The following MDFIC2 variants were observed in gnomAD, a reference collection of about 807,000 sequenced individuals.
MDFIC2 encodes the protein myoD family inhibitor domain-containing protein 2.
chr3:70,251,445 A>C (rs1021378419), intron 2 of MDFIC2, among the ~76,000 whole-genome samples: 1 of 152,174 alleles, frequency 6.6e-6, no homozygotes, highest in African/African-American at 2.4e-5. Context: ...GTCTACTGGC[A>C]TAATAGTGGG....
intron 2 of MDFIC2, among the ~76,000 whole-genome samples, chr3:70,306,457 CT>C: frequency 6.6e-6 from 1 of 152,264 alleles, no homozygotes; most frequent in Non-Finnish European, 1.5e-5. Context: ...CATGTGACTG[CT>C]TACAGAAAAG....
intron 2 of MDFIC2, among the ~76,000 whole-genome samples, chr3:70,273,373 C>A (rs181932496): frequency 2.0e-5 from 3 of 152,212 alleles, no homozygotes; most frequent in Admixed American, 2.0e-4. Context: ...GATGCTAAGA[C>A]CTTTAATCCA....
chr3:70,264,863 A>T (rs572774106), intron 2 of MDFIC2, among the ~76,000 whole-genome samples: 12 of 152,292 alleles, frequency 7.9e-5, no homozygotes, highest in Non-Finnish European at 1.0e-4. Context: ...TAATAAAGAC[A>T]TACCATAGAC....
intron 2 of MDFIC2, among the ~76,000 whole-genome samples, chr3:70,286,958 C>A (rs577928197): frequency 2.0e-5 from 3 of 151,238 alleles, no homozygotes; most frequent in Admixed American, 6.6e-5. Flanking sequence ...AGATTTTGGG[C>A]TGAGACAATG....
chr3:70,290,950 C>T (rs570447046), intron 2 of MDFIC2, among the ~76,000 whole-genome samples: 6 of 152,260 alleles, frequency 3.9e-5, no homozygotes, highest in Admixed American at 2.0e-4. Flanking sequence ...CTGACCTGAG[C>T]CCACTGTCTG....
intron 2 of MDFIC2, among the ~76,000 whole-genome samples, chr3:70,255,312 A>G (rs1425286279): frequency 6.6e-6 from 1 of 152,256 alleles, no homozygotes; most frequent in African/African-American, 2.4e-5. Context: ...CTGTGATTTT[A>G]TAGTCAGTAA....
chr3:70,284,566 C>G (rs765272280), intron 2 of MDFIC2, among the ~76,000 whole-genome samples: 5 of 152,116 alleles, frequency 3.3e-5, no homozygotes, highest in Non-Finnish European at 7.4e-5. Context: ...ACTATGCAGC[C>G]ATAAAAAAGA....
intron 2 of MDFIC2, among the ~76,000 whole-genome samples, chr3:70,235,422 A>T (rs1701598009): frequency 6.6e-6 from 1 of 152,206 alleles, no homozygotes; most frequent in Non-Finnish European, 1.5e-5. Flanking sequence ...CTCCTCGCAA[A>T]TTAAACTGAC....
chr3:70,196,197 A>G lies in MDFIC2; in HGVS notation c.*729T>C, dbSNP rs1037455438. ...TCATTTATGCTTATTAGAATAACTA[A>G]GAGCCTTTCTGTAACGAATTAAGAA... is the stretch of plus-strand genomic sequence containing the variant. On this transcript the variant is annotated 3_prime_UTR_variant, in exon 4 of 4. Coordinates refer to ENST00000567252, the MANE Select transcript of MDFIC2 (RefSeq NM_001364677.1). Among the ~76,000 whole-genome samples, 8 of 152,242 alleles carry G rather than the reference A, an allele frequency of 5.3e-5. No individual in the cohort carries two copies. The highest frequency in any genetic ancestry group is 1.4e-4 in the African/African-American group (6 of 41,480).
In MDFIC2 at chr3:70,237,781, G is replaced by A. The variant is rs78137455; in HGVS notation, c.89-30991C>T. Among the ~76,000 whole-genome samples, 1,308 of 152,158 alleles carry A rather than the reference G, an allele frequency of 8.6e-3. 21 individuals carry two copies. The highest frequency in any genetic ancestry group is 0.03 in the African/African-American group (1,230 of 41,492). On this transcript the variant is annotated intron_variant, in intron 2 of 3. Coordinates refer to ENST00000567252, the MANE Select transcript of MDFIC2 (RefSeq NM_001364677.1). ...GTGCATGTGTTATGATTTGTATGCC[G>A]GTGCCATGGCAGCCATATTGTGGGC...
At chr3:70,299,321 G>T (rs542317093) in intron 2 of MDFIC2, among the ~76,000 whole-genome samples, 1 of 151,796 alleles carries the variant, frequency 6.6e-6, no homozygotes, top group African/African-American at 2.4e-5. Flanking sequence ...AAATTTGTGC[G>T]TTATTTGTAT....
intron 2 of MDFIC2, among the ~76,000 whole-genome samples, chr3:70,281,338 T>C (rs1180796583): frequency 2.0e-5 from 3 of 152,146 alleles, no homozygotes; most frequent in African/African-American, 7.2e-5. Context: ...TTATCCATTC[T>C]CTCTCAACTT....
At chr3:70,221,577 T>C (rs534794545) in intron 2 of MDFIC2, among the ~76,000 whole-genome samples, 1 of 152,202 alleles carries the variant, frequency 6.6e-6, no homozygotes, top group South Asian at 2.1e-4. Flanking sequence ...GAGAAACACA[T>C]GTCAACAGAT....
intron 2 of MDFIC2, among the ~76,000 whole-genome samples, chr3:70,294,787 T>G (rs373346353): frequency 6.6e-6 from 1 of 152,186 alleles, no homozygotes. Context: ...GATGTGTGGC[T>G]TTTTGCTCAG....
intron 2 of MDFIC2, among the ~76,000 whole-genome samples, chr3:70,277,347 C>T (rs1315151652): frequency 6.6e-6 from 1 of 152,138 alleles, no homozygotes; most frequent in Non-Finnish European, 1.5e-5. Context: ...ACGGAAATAT[C>T]TGTTATTTGA....
At chr3:70,310,364 T>C (rs1443897670) in intron 2 of MDFIC2, among the ~76,000 whole-genome samples, 2 of 151,922 alleles carry the variant, frequency 1.3e-5, no homozygotes, top group South Asian at 4.1e-4. Flanking sequence ...TTTAATTTTA[T>C]GTATTATTAT....
At chr3:70,236,074 C>G (rs193077318) in intron 2 of MDFIC2, among the ~76,000 whole-genome samples, 144 of 152,168 alleles carry the variant, frequency 9.5e-4, no homozygotes, top group African/African-American at 3.3e-3. Context: ...TTCCCACGAC[C>G]TTGGCTTTAG....
At chr3:70,304,822 C>A (rs529358398) in intron 2 of MDFIC2, among the ~76,000 whole-genome samples, 1 of 152,260 alleles carries the variant, frequency 6.6e-6, no homozygotes, top group African/African-American at 2.4e-5. Context: ...AAAAAAATAT[C>A]CAGATTCCCA....
chr3:70,281,576 C>G (rs887931794), intron 2 of MDFIC2, among the ~76,000 whole-genome samples: 2 of 151,992 alleles, frequency 1.3e-5, no homozygotes, highest in Admixed American at 1.3e-4. Flanking sequence ...TCAAAACAAA[C>G]AAACAAATTG....
Sources: allele counts gnomAD v4.1 joint callset (sites outside exome capture counted in the v4.1 genomes callset), GRCh38; gene constraint gnomAD v4.1.1; transcripts MANE v1.5; gene names NCBI Gene and HGNC (gene_info 2026-07-23, HGNC 2026-07-21).